RHBG: variants seen among roughly 807,000 people sequenced by gnomAD.
RHBG encodes ammonium transporter Rh type B.
In RHBG, 39 loss-of-function variants were observed where a neutral mutation model predicts 40.1. The ratio of observed to expected loss-of-function variants is 0.97; its 90% CI spans 0.75 to 1.27. RHBG has a LOEUF of 1.27. RHBG is among the 50% of genes most tolerant of loss of function. The probability of loss-of-function intolerance (pLI) is 0.00; values close to 1 mark genes in which losing one functional copy is unlikely to be tolerated. For synonymous variants in RHBG, 237 were observed against 252.5 expected, an observed-to-expected ratio of 0.94 and a Z score of 0.58; for missense variants, 549 against 588.1, an observed-to-expected ratio of 0.93 and a Z score of 0.69.
chr1:156,371,685 G>C (rs1045009000), intron 1 of RHBG: 2 of 153,710 alleles, frequency 1.3e-5, no homozygotes, highest in Admixed American at 1.3e-4. Context: ...AAGAAGGATA[G>C]AGAGTTGGGA....
At chr1:156,376,715 C>G (rs1667229491) in intron 1 of RHBG, among the ~76,000 whole-genome samples, 1 of 152,162 alleles carries the variant, frequency 6.6e-6, no homozygotes, top group Non-Finnish European at 1.5e-5. Context: ...CACCTGTAGT[C>G]CCAGCAACTT....
chr1:156,380,072 C>T (rs1667509809), intron 4 of RHBG, among the ~76,000 whole-genome samples: 1 of 151,778 alleles, frequency 6.6e-6, no homozygotes, highest in Non-Finnish European at 1.5e-5. Flanking sequence ...TAGTCCCTGA[C>T]ATGCAGTGGC....
rs199819625 is a variant in RHBG, at chr1:156,369,291, G to T, written c.42G>T (p.Gln14His). The change falls in exon 1 of 10, where the codon CAG becomes CAT. Residue 14 changes from glutamine to histidine, a missense_variant. Physicochemically the swap from Gln to His is conservative, Grantham distance 24. This residue lies in a region of RHBG where 99 missense variants were observed against 85.2 expected (regional missense o/e 1.16). Transcript: ENST00000537040. ...GCCGCGCCGCGGGCCGGCGACTGCA[G>T]CTTCCCCTGCTGTGCCTCTTCCTCC... is the stretch of plus-strand genomic sequence containing the variant. ...SPSRAAGRRLQLPLLCLFLQG... is the reference protein window; with the variant it reads ...SPSRAAGRRLHLPLLCLFLQG... The T allele has an allele frequency of 2.5e-5, 40 of 1,613,892 alleles. No homozygotes were observed. The highest frequency in any genetic ancestry group is 2.2e-5 in the Non-Finnish European group (26 of 1,180,026).
At chr1:156,384,476 T>A (rs771143460) in intron 8 of RHBG, 51 bp from the exon 9 acceptor site, 1 of 1,567,798 alleles carries the variant, frequency 6.4e-7, no homozygotes, top group Non-Finnish European at 8.8e-7. Context: ...GGCACCCTCC[T>A]CCATGGTGGG....
chr1:156,382,625 C>T (rs567931446), intron 7 of RHBG, 123 bp from the exon 8 acceptor site: 101 of 1,243,760 alleles, frequency 8.1e-5, no homozygotes, highest in Admixed American at 5.9e-4. Flanking sequence ...CATGCACCCT[C>T]GAGACCCTCT....
chr1:156,373,604 A>G (rs968410421), intron 1 of RHBG, among the ~76,000 whole-genome samples: 2 of 152,120 alleles, frequency 1.3e-5, no homozygotes, highest in South Asian at 2.1e-4. Flanking sequence ...TCATTGTGGA[A>G]TGTTCCCAGA....
rs1667690167 is a variant in RHBG, at chr1:156,382,126, G to A, written c.1037G>A (p.Gly346Glu). The change falls in exon 7 of 10, where the codon GGG (glycine) becomes GAG (glutamate). Residue 346 changes from glycine to glutamate, a missense_variant. Coordinates refer to ENST00000537040, the MANE Select transcript of RHBG (RefSeq NM_020407.5). Reference sequence around the variant, plus strand: ...ACATGTGGAGTCCACAACCTCCATGGGATGCCGGGGGTCCTGGGGGCCCTC... The same window carrying A: ...ACATGTGGAGTCCACAACCTCCATGAGATGCCGGGGGTCCTGGGGGCCCTC... ...QDTCGVHNLH[G>E]MPGVLGALLG... 6.2e-7 allele frequency: 1 copy of A among 1,614,022 alleles called. No homozygotes were observed. The highest frequency in any genetic ancestry group is 8.5e-7 in the Non-Finnish European group (1 of 1,179,936).
At chr1:156,372,999 C>T (rs1166944642) in intron 1 of RHBG, among the ~76,000 whole-genome samples, 1 of 152,206 alleles carries the variant, frequency 6.6e-6, no homozygotes, top group Admixed American at 6.5e-5. Context: ...GCAAAAGCCC[C>T]AGCTTTAACA....
At chr1:156,373,596 A>G (rs1274890828) in intron 1 of RHBG, among the ~76,000 whole-genome samples, 1 of 152,120 alleles carries the variant, frequency 6.6e-6, no homozygotes, top group Non-Finnish European at 1.5e-5. Context: ...AGAATTTCTC[A>G]TTGTGGAATG....
Sources: gnomAD v4.1 joint callset for allele counts (sites outside exome capture counted in the v4.1 genomes callset) on GRCh38, gnomAD v4.1.1 for gene constraint, gnomAD v4.1.1 regional missense constraint, MANE v1.5 for transcripts, NCBI Gene and HGNC (gene_info 2026-07-23, HGNC 2026-07-21) for gene names.